The following DAP3 variants were observed in gnomAD, a reference collection of about 807,000 sequenced individuals.
DAP3 encodes death associated protein 3.
A neutral mutation model predicts 51.9 loss-of-function variants in DAP3; 28 were observed. The ratio of observed to expected loss-of-function variants is 0.54; its 90% CI spans 0.40 to 0.74. The LOEUF (loss-of-function observed/expected upper bound fraction) is 0.74, where lower values mean the gene tolerates loss of function less well. Among genes scored for constraint, DAP3 ranks in the 30% least tolerant of loss-of-function variants. The probability of loss-of-function intolerance (pLI) is 0.00; values close to 1 mark genes in which losing one functional copy is unlikely to be tolerated. For synonymous variants in DAP3, 170 were observed against 170.3 expected (o/e 1.00, Z 0.01); for missense variants, 458 against 483.5 (o/e 0.95, Z 0.49).
At chr1:155,693,817 AG>A (rs1188052729) in intron 1 of DAP3, among the ~76,000 whole-genome samples, 1 of 141,170 alleles carries the variant, frequency 7.1e-6, no homozygotes, top group Non-Finnish European at 1.5e-5. Flanking sequence ...CAAAATTAGC[AG>A]GGTGTGGTGG....
At chr1:155,688,235 T>C (rs1180832151), upstream of DAP3, 3 of 1,611,848 alleles carry the variant, frequency 1.9e-6, no homozygotes, top group African/African-American at 1.3e-5. Flanking sequence ...AAGGGAAAGG[T>C]GGAGGGCTAA....
chr1:155,691,352 T>C (rs1319746341), intron 1 of DAP3, among the ~76,000 whole-genome samples: 1 of 142,420 alleles, frequency 7.0e-6, no homozygotes, highest in Non-Finnish European at 1.5e-5. Context: ...TTTCATGTAA[T>C]TGAAATCATA....
intron 2 of DAP3, among the ~76,000 whole-genome samples, chr1:155,713,433 A>C (rs1481386315): frequency 1.3e-5 from 2 of 152,216 alleles, no homozygotes; most frequent in Non-Finnish European, 2.9e-5. Flanking sequence ...ATGGTTCAGA[A>C]GTTTCTGTGT....
intron 1 of DAP3, among the ~76,000 whole-genome samples, chr1:155,692,349 C>T: frequency 7.1e-6 from 1 of 141,712 alleles, no homozygotes; most frequent in South Asian, 2.1e-4. Flanking sequence ...TTTATGCAGG[C>T]ACCCTGTAAG....
rs139634574 is a variant in DAP3, at chr1:155,690,849, C to G, written c.-8+1675C>G. Among the ~76,000 whole-genome samples, 1,185 of 142,280 alleles carry G rather than the reference C, an allele frequency of 8.3e-3. 344 individuals carry two copies. The highest frequency in any genetic ancestry group is 0.036 in the African/African-American group (1,133 of 31,740). 93.3% of individuals were successfully genotyped at this position (142,280 alleles called of 152,430 possible). A position where few individuals can be genotyped will look rare whatever the true frequency, so the allele number is the denominator to read the frequency against. ...CAAGCTCCTTGGCTCAAGGGATCCT[C>G]CCACCTCAGCCATCTGAGCAACTAG... is the stretch of plus-strand genomic sequence containing the variant. On this transcript the variant is annotated intron_variant, in intron 1 of 12. Transcript: ENST00000368336.
chr1:155,709,745 CT>C, intron 1 of DAP3, 27 bp from the exon 2 acceptor site: 1 of 1,582,230 alleles, frequency 6.3e-7, no homozygotes. Context: ...TGTGGTTTAC[CT>C]TTTCACTTTT....
At chr1:155,697,485 C>T (rs1401272893) in intron 1 of DAP3, among the ~76,000 whole-genome samples, 1 of 152,052 alleles carries the variant, frequency 6.6e-6, no homozygotes, top group Non-Finnish European at 1.5e-5. Context: ...ACAGCTGGGT[C>T]TCCGGGGGTG....
intron 2 of DAP3, among the ~76,000 whole-genome samples, chr1:155,711,581 T>G (rs1656717029): frequency 7.3e-6 from 1 of 136,942 alleles, no homozygotes; most frequent in Non-Finnish European, 1.6e-5. Flanking sequence ...AGAGAAAGTT[T>G]TGTTTTTTTT....
intron 11 of DAP3, 93 bp downstream of exon 11, chr1:155,732,126 G>A: frequency 8.6e-7 from 1 of 1,163,800 alleles, no homozygotes; most frequent in Middle Eastern, 2.6e-4. Flanking sequence ...CATAATTTCA[G>A]ACTTAGAGAA....
chr1:155,697,987 G>A (rs57468684), intron 1 of DAP3, among the ~76,000 whole-genome samples: 1,730 of 152,230 alleles, frequency 0.011, 38 homozygotes, highest in African/African-American at 0.04. Context: ...TCTCCTATTC[G>A]CTTTCTGAAA....
intron 1 of DAP3, among the ~76,000 whole-genome samples, chr1:155,694,737 C>T (rs759298234): frequency 1.3e-5 from 2 of 152,186 alleles, no homozygotes; most frequent in African/African-American, 2.4e-5. Flanking sequence ...TGGTTTTCTT[C>T]TGGGGAAATA....
Position 155,729,335 on chromosome 1 carries a change from G to T in DAP3, c.812G>T (p.Arg271Ile). The change falls in exon 9 of 13, where the codon AGA (arginine) becomes ATA (isoleucine). Residue 271 changes from arginine to isoleucine, a missense_variant. Transcript: ENST00000368336. ...GATGGAATCAATGCTCTTTGGGGAAGAACCACTCTGAAAAGAGAAGATAAA... is the reference window on the plus strand; with the variant it reads ...GATGGAATCAATGCTCTTTGGGGAATAACCACTCTGAAAAGAGAAGATAAA... ...AVDGINALWG[R>I]TTLKREDKSP... 6.2e-7 allele frequency: 1 copy of T among 1,614,106 alleles called. No homozygotes were observed. Among genetic ancestry groups the T allele is most frequent in the Non-Finnish European group, 8.5e-7 (1 of 1,180,016 alleles).
At chr1:155,697,493 G>A (rs1011361575) in intron 1 of DAP3, among the ~76,000 whole-genome samples, 1 of 152,084 alleles carries the variant, frequency 6.6e-6, no homozygotes, top group African/African-American at 2.4e-5. Context: ...GTCTCCGGGG[G>A]TGACATCACA....
intron 1 of DAP3, among the ~76,000 whole-genome samples, chr1:155,703,942 G>A (rs1029151802): frequency 2.0e-5 from 3 of 152,196 alleles, no homozygotes; most frequent in African/African-American, 7.2e-5. Flanking sequence ...GAGGCCAGGA[G>A]TTAGAGATCA....
chr1:155,729,251 T>C lies in DAP3; in HGVS notation c.728T>C (p.Val243Ala). The part of the protein sequence containing the change: ...VRNATDAVGI[V>A]LKELKRQSSL... ...AACGCCACAGATGCAGTTGGAATTG[T>C]GCTGAAAGAGCTAAAGAGGCAAAGT... Residue 243 changes from valine (V) to alanine (A), a missense_variant, in exon 9 of 13, where the codon GTG becomes GCG. Coordinates refer to ENST00000368336, the MANE Select transcript of DAP3 (RefSeq NM_004632.4). The C allele has an allele frequency of 6.2e-7, 1 of 1,614,178 alleles. No individual in the cohort carries two copies. The highest frequency in any genetic ancestry group is 8.5e-7 in the Non-Finnish European group (1 of 1,180,038).
At chr1:155,735,916 A>G (rs1659736229) in intron 11 of DAP3, among the ~76,000 whole-genome samples, 1 of 143,714 alleles carries the variant, frequency 7.0e-6, no homozygotes, top group Admixed American at 7.5e-5. Context: ...ATCTCGGCTC[A>G]CTGCAACATC....
chr1:155,688,228 G>A (rs775883107), upstream of DAP3: 5 of 1,613,136 alleles, frequency 3.1e-6, no homozygotes, highest in Non-Finnish European at 4.2e-6. Context: ...AGAGGAGAAG[G>A]GAAAGGTGGA....
chr1:155,735,196 G>A (rs1372650884), intron 11 of DAP3, among the ~76,000 whole-genome samples: 1 of 151,956 alleles, frequency 6.6e-6, no homozygotes, highest in African/African-American at 2.4e-5. Context: ...TGGGAGAATC[G>A]CTTGACCCTG....
intron 2 of DAP3, among the ~76,000 whole-genome samples, chr1:155,711,966 CCTT>C (rs1210398155): frequency 6.6e-6 from 1 of 151,226 alleles, no homozygotes; most frequent in African/African-American, 2.4e-5. Context: ...GCTCATCCTA[CCTT>C]CTTCTGCCTG....
Sources: allele counts gnomAD v4.1 joint callset (sites outside exome capture counted in the v4.1 genomes callset), GRCh38; gene constraint gnomAD v4.1.1; transcripts MANE v1.5; gene names NCBI Gene and HGNC (gene_info 2026-07-23, HGNC 2026-07-21).